Variants in TENM3 observed in about 807,000 individuals in gnomAD.
TENM3 encodes the protein teneurin-3.
TENM3 carries 63 observed loss-of-function variants against 255.1 expected under a neutral mutation model. The observed-to-expected ratio is 0.25, with a 90% CI of 0.20 to 0.30. TENM3 has a LOEUF of 0.30. TENM3 is among the 10% of genes least tolerant of loss of function. The pLI, the probability that TENM3 is intolerant of heterozygous loss-of-function variation, is 1.00. For synonymous variants in TENM3, 1,306 were observed against 1,322.3 expected (o/e 0.99, Z 0.27); for missense variants, 2,929 against 3,461.1 (o/e 0.85, Z 3.86).
chr4:182,039,770 C>T, the TENM3 span, among the ~76,000 whole-genome samples: 2 of 151,510 alleles, frequency 1.3e-5, no homozygotes, highest in South Asian at 4.2e-4. Flanking sequence ...CTTTCCTGTC[C>T]CTGTCTGGTA....
chr4:181,551,800 A>C, the TENM3 span, among the ~76,000 whole-genome samples: 2 of 145,942 alleles, frequency 1.4e-5, no homozygotes, highest in African/African-American at 2.5e-5. Context: ...CAAAATAGGC[A>C]GTTAATAATA....
At chr4:182,069,738 A>C in the TENM3 span, among the ~76,000 whole-genome samples, 1 of 149,550 alleles carries the variant, frequency 6.7e-6, no homozygotes, top group African/African-American at 2.5e-5. Flanking sequence ...CACACACAAG[A>C]GATCAGAGAA....
At chr4:182,140,880 G>A (rs1333400426), upstream of TENM3, among the ~76,000 whole-genome samples, 1 of 152,214 alleles carries the variant, frequency 6.6e-6, no homozygotes, top group Non-Finnish European at 1.5e-5. Flanking sequence ...GACCCGCGGG[G>A]AGGCGGTGGA....
chr4:181,653,349 C>A, the TENM3 span, among the ~76,000 whole-genome samples: 1 of 152,190 alleles, frequency 6.6e-6, no homozygotes, highest in East Asian at 1.9e-4. Context: ...TGCTTCTGGT[C>A]TGGAAACCAC....
intron 4 of TENM3, among the ~76,000 whole-genome samples, chr4:182,609,012 G>T (rs1488368310): frequency 6.6e-6 from 1 of 150,750 alleles, no homozygotes; most frequent in East Asian, 1.9e-4. Context: ...GGACTGGAGG[G>T]TATGGCCCAT....
At chr4:182,765,779 G>C (rs952287112) in intron 22 of TENM3, among the ~76,000 whole-genome samples, 8 of 152,046 alleles carry the variant, frequency 5.3e-5, no homozygotes, top group African/African-American at 1.7e-4. Context: ...AACATGAAAG[G>C]CTCCTTAGTA....
intron 1 of TENM3, among the ~76,000 whole-genome samples, chr4:182,320,226 G>A (rs1323591629): frequency 6.6e-6 from 1 of 152,200 alleles, no homozygotes; most frequent in Non-Finnish European, 1.5e-5. Flanking sequence ...AGGCCATCAG[G>A]TCTCTGTGTT....
At chr4:182,097,502 C>T in the TENM3 span, among the ~76,000 whole-genome samples, 1 of 152,154 alleles carries the variant, frequency 6.6e-6, no homozygotes, top group African/African-American at 2.4e-5. Flanking sequence ...ATATATAGGT[C>T]CCTATGCAGT....
At chr4:182,060,450 A>G in the TENM3 span, among the ~76,000 whole-genome samples, 1 of 152,094 alleles carries the variant, frequency 6.6e-6, no homozygotes, top group Non-Finnish European at 1.5e-5. Flanking sequence ...CACAGTTCAC[A>G]ATAGGATTCA....
At chr4:181,944,666 A>G in the TENM3 span, among the ~76,000 whole-genome samples, 31,443 of 151,912 alleles carry the variant, frequency 0.21, 4,072 homozygotes, top group African/African-American at 0.37. Context: ...GCCCCTCTCC[A>G]ACATAGGGAC....
intron 1 of TENM3, among the ~76,000 whole-genome samples, chr4:182,221,347 T>C (rs1181434614): frequency 6.6e-6 from 1 of 152,212 alleles, no homozygotes; most frequent in Non-Finnish European, 1.5e-5. Context: ...GACCAGAAAC[T>C]TTATTGAAAC....
Position 182,754,812 on chromosome 4 carries a change from A to G in TENM3, c.4445A>G (p.Asp1482Gly). The G allele has an allele frequency of 6.2e-7, 1 of 1,614,044 alleles. No individual in the cohort carries two copies. The highest frequency in any genetic ancestry group is 8.5e-7 in the Non-Finnish European group (1 of 1,179,886). ...CCATCCTCCCTGGCTGCTTCTCCAG[A>G]TGGTACACTGTATATTGCAGATCTA... ...SAPSSLAASP[D>G]GTLYIADLGN... Residue 1482 changes from aspartate (D) to glycine (G), a missense_variant, in exon 22 of 28, where the codon GAT becomes GGT. Asp to Gly is a moderately conservative substitution (Grantham distance 94). Transcript: ENST00000511685. The surrounding 1 kb of genome is among the most constrained non-coding windows in gnomAD (Gnocchi z 5.1).
chr4:181,904,309 C>A, the TENM3 span, among the ~76,000 whole-genome samples: 1 of 152,020 alleles, frequency 6.6e-6, no homozygotes, highest in Non-Finnish European at 1.5e-5. Context: ...TATGACCCAC[C>A]TAGCAGCCTT....
intron 1 of TENM3, among the ~76,000 whole-genome samples, chr4:182,216,787 G>A (rs1755499468): frequency 6.6e-6 from 1 of 152,074 alleles, no homozygotes; most frequent in African/African-American, 2.4e-5. Flanking sequence ...TCACTTGATA[G>A]CATTTGACCA....
At chr4:181,861,219 T>C in the TENM3 span, among the ~76,000 whole-genome samples, 1 of 152,196 alleles carries the variant, frequency 6.6e-6, no homozygotes, top group Non-Finnish European at 1.5e-5. Flanking sequence ...CTTTTAAGAA[T>C]AGTCATTTAA....
chr4:181,879,261 A>T, the TENM3 span, among the ~76,000 whole-genome samples: 1 of 152,170 alleles, frequency 6.6e-6, no homozygotes, highest in Non-Finnish European at 1.5e-5. Flanking sequence ...AAATCATTAC[A>T]GGCAAAAAGA....
chr4:182,052,842 G>A, the TENM3 span, among the ~76,000 whole-genome samples: 1 of 152,098 alleles, frequency 6.6e-6, no homozygotes, highest in Non-Finnish European at 1.5e-5. Flanking sequence ...TTTTATACGT[G>A]GGAATCAAAC....
At chr4:182,590,538 C>CAAAAAAAAAA (rs34681777) in intron 3 of TENM3, among the ~76,000 whole-genome samples, 25 of 79,968 alleles carry the variant, frequency 3.1e-4, no homozygotes, top group East Asian at 7.7e-4. Flanking sequence ...GACCCTGTCT[C>CAAAAAAAAAA]AAAAAAAAAA....
intron 3 of TENM3, among the ~76,000 whole-genome samples, chr4:182,401,153 T>G (rs1561408758): frequency 6.6e-6 from 1 of 152,200 alleles, no homozygotes; most frequent in East Asian, 1.9e-4. Flanking sequence ...TAAACTCATA[T>G]GCAGGTTATT....
Sources: allele counts gnomAD v4.1 joint callset (sites outside exome capture counted in the v4.1 genomes callset), GRCh38; gene constraint gnomAD v4.1.1; non-coding constraint Gnocchi (gnomAD v3.1); transcripts MANE v1.5; gene names NCBI Gene and HGNC (gene_info 2026-07-23, HGNC 2026-07-21).